The following FTO variants were observed in gnomAD, a reference collection of about 807,000 sequenced individuals.
FTO encodes the protein FTO alpha-ketoglutarate dependent dioxygenase, also known as alpha-ketoglutarate-dependent dioxygenase FTO.
In FTO, 47 loss-of-function variants were observed where a neutral mutation model predicts 63.9. The observed-to-expected ratio is 0.74, with a 90% confidence interval of 0.58 to 0.94. The LOEUF is 0.94. Among genes scored for constraint, FTO ranks in the 40% least tolerant of loss-of-function variants. The pLI is 0.00. For synonymous variants in FTO, 207 were observed against 224.4 expected (o/e 0.92, Z 0.69); for missense variants, 562 against 618.1 (o/e 0.91, Z 0.96).
chr16:53,920,739 T>C (rs2081988851), intron 7 of FTO, among the ~76,000 whole-genome samples: 1 of 152,098 alleles, frequency 6.6e-6, no homozygotes, highest in Non-Finnish European at 1.5e-5. Context: ...TGATATATGG[T>C]GATTGCTGGA....
intron 2 of FTO, 70 bp from the exon 3 acceptor site, chr16:53,825,794 A>T (rs2078988984): frequency 1.3e-6 from 2 of 1,573,718 alleles, no homozygotes; most frequent in Admixed American, 3.3e-5. Context: ...CTTACAAAGA[A>T]ACACACCTTT....
At position 53,855,034 on chromosome 16, in the gene FTO, TA is replaced by T. The variant is rs143117203; in HGVS notation, c.895+10737del. Among the ~76,000 whole-genome samples, 17 of 149,974 alleles carry T rather than the reference TA, an allele frequency of 1.1e-4. No individual in the cohort carries two copies. In the East Asian group the frequency reaches 2.6e-3, roughly 23 times the overall value. Reference sequence around the variant, plus strand: ...AGTTTATTTCTAGGTACTTTATTATTATTATTTTTTTTAGCTATTATCAAAG... The same window carrying T: ...AGTTTATTTCTAGGTACTTTATTATTTTATTTTTTTTAGCTATTATCAAAG... On this transcript the variant is annotated intron_variant, in intron 4 of 8. Coordinates refer to ENST00000471389, the MANE Select transcript of FTO (RefSeq NM_001080432.3).
chr16:53,842,291 T>C (rs1390330146), intron 3 of FTO, among the ~76,000 whole-genome samples: 1 of 152,350 alleles, frequency 6.6e-6, no homozygotes, highest in East Asian at 1.9e-4. Context: ...GATGCACATT[T>C]ACAGCTCCAC....
At chr16:53,819,316 C>A (rs1029856257) in intron 2 of FTO, among the ~76,000 whole-genome samples, 1 of 152,102 alleles carries the variant, frequency 6.6e-6, no homozygotes, top group East Asian at 1.9e-4. Context: ...ACCACAGGTG[C>A]ATGCCACCAC....
intron 8 of FTO, among the ~76,000 whole-genome samples, chr16:54,110,937 T>C (rs1326088353): frequency 1.3e-5 from 2 of 152,216 alleles, no homozygotes; most frequent in Non-Finnish European, 2.9e-5. Context: ...GCCACTGAGT[T>C]TTCCCAGGTC....
chr16:53,868,937 T>C (rs998407022), intron 4 of FTO, among the ~76,000 whole-genome samples: 4 of 152,120 alleles, frequency 2.6e-5, no homozygotes, highest in African/African-American at 7.2e-5. Flanking sequence ...GTTCAAGCGA[T>C]TTTCCTGCTT....
intron 8 of FTO, among the ~76,000 whole-genome samples, chr16:54,027,337 G>C (rs2084735568): frequency 6.6e-6 from 1 of 152,144 alleles, no homozygotes; most frequent in African/African-American, 2.4e-5. Flanking sequence ...CAGGCCCCAT[G>C]AGCTGGCTTG....
intron 4 of FTO, among the ~76,000 whole-genome samples, chr16:53,864,675 C>T (rs1342412280): frequency 6.6e-6 from 1 of 152,088 alleles, no homozygotes; most frequent in Non-Finnish European, 1.5e-5. Context: ...CAAGTTTCAG[C>T]TGTATTCTGA....
At chr16:53,767,775 A>G (rs963322203) in intron 1 of FTO, among the ~76,000 whole-genome samples, 1 of 152,206 alleles carries the variant, frequency 6.6e-6, no homozygotes, top group African/African-American at 2.4e-5. Context: ...AGTCAAATTT[A>G]ATAACAATCA....
At chr16:53,990,684 T>TA (rs77435901) in intron 8 of FTO, among the ~76,000 whole-genome samples, 2 of 151,078 alleles carry the variant, frequency 1.3e-5, no homozygotes, top group African/African-American at 2.4e-5. Context: ...TATTTTATTT[T>TA]TGAGACAGAG....
At position 53,741,916 on chromosome 16, in the gene FTO, A is replaced by AT. The variant is rs544428714; in HGVS notation, c.45+37688dup. 3.7e-4 allele frequency among the ~76,000 whole-genome samples: 57 copies of AT among 152,226 alleles called. 1 individual carries two copies. The South Asian group carries it at 8.9e-3, about 24-fold the overall frequency. ...AGGGGATCTGATTCCAAGCTCACTC[A>AT]TGTAGGTTTTGGGAAGTGACAGACC... On this transcript the variant is annotated intron_variant, in intron 1 of 8. Coordinates refer to ENST00000471389, the MANE Select transcript of FTO (RefSeq NM_001080432.3).
intron 7 of FTO, among the ~76,000 whole-genome samples, chr16:53,904,458 C>A (rs915716029): frequency 1.3e-5 from 2 of 152,206 alleles, no homozygotes; most frequent in African/African-American, 4.8e-5. Flanking sequence ...CTGTCCTTGA[C>A]TGGTAAATGT....
At chr16:53,965,726 C>T (rs17823223) in intron 8 of FTO, 14,136 of 152,182 alleles carry the variant, frequency 0.093, 907 homozygotes, top group Middle Eastern at 0.25. Flanking sequence ...TCTAGAGCAA[C>T]GACATAGGGC....
In FTO at chr16:53,819,416, C is replaced by T. The variant is rs559032236; in HGVS notation, c.124-6448C>T. 3.7e-3 allele frequency among the ~76,000 whole-genome samples: 558 copies of T among 152,294 alleles called. 3 individuals are homozygous for T. The highest frequency in any genetic ancestry group is 0.013 in the African/African-American group (550 of 41,560). ...CGAGCTCGTCAGCTCAAGCAATACACCCGCCTGAGTCTCCCAAAGTGCTGG... is the reference window on the plus strand; with the variant it reads ...CGAGCTCGTCAGCTCAAGCAATACATCCGCCTGAGTCTCCCAAAGTGCTGG... On this transcript the variant is annotated intron_variant, in intron 2 of 8. Coordinates refer to ENST00000471389, the MANE Select transcript of FTO (RefSeq NM_001080432.3).
chr16:53,991,142 A>G (rs1242413287), intron 8 of FTO: 12 of 152,138 alleles, frequency 7.9e-5, no homozygotes, highest in Admixed American at 4.6e-4. Flanking sequence ...CCATAGGAAG[A>G]CCACCCAAAA....
At chr16:53,848,230 C>G (rs965517242) in intron 4 of FTO, among the ~76,000 whole-genome samples, 9 of 152,132 alleles carry the variant, frequency 5.9e-5, no homozygotes, top group African/African-American at 2.2e-4. Context: ...GAGGGAGGGA[C>G]TTCGGCCCCG....
At chr16:53,962,514 G>C (rs766721686) in intron 8 of FTO, among the ~76,000 whole-genome samples, 2 of 152,132 alleles carry the variant, frequency 1.3e-5, no homozygotes, top group African/African-American at 4.8e-5. Context: ...CCTGAACGTC[G>C]AAGTACTAGA....
At chr16:53,815,774 G>A (rs2078664856) in intron 2 of FTO, among the ~76,000 whole-genome samples, 1 of 149,136 alleles carries the variant, frequency 6.7e-6, no homozygotes, top group African/African-American at 2.5e-5. Context: ...TCAGCCTCCC[G>A]AATAGCTGGG....
Position 54,112,292 on chromosome 16 carries a change from A to G in FTO, c.*377A>G, listed in dbSNP as rs980483444. On this transcript the variant is annotated 3_prime_UTR_variant, in exon 9 of 9. Transcript: ENST00000471389. ...GGAGTGGACCCAGCCCTCTGGGGAA[A>G]GACAGAACTTAGAGACATCCCAGTT... 1 of 312,922 alleles carries G rather than the reference A, an allele frequency of 3.2e-6. No homozygotes were observed. Among genetic ancestry groups the G allele is most frequent in the African/African-American group, 2.2e-5 (1 of 46,228 alleles). 19.4% of individuals were successfully genotyped at this position (312,922 alleles called of 1,614,324 possible). A position where few individuals can be genotyped will look rare whatever the true frequency, so the allele number is the denominator to read the frequency against.
Sources: allele counts gnomAD v4.1 joint callset (sites outside exome capture counted in the v4.1 genomes callset), GRCh38; gene constraint gnomAD v4.1.1; transcripts MANE v1.5; gene names NCBI Gene and HGNC (gene_info 2026-07-23, HGNC 2026-07-21).